SLC44A2: variants seen among roughly 807,000 people sequenced by gnomAD.
SLC44A2 encodes solute carrier family 44 member 2 (CTL2 blood group).
SLC44A2 carries 57 observed loss-of-function variants against 90.8 expected under a neutral mutation model. The ratio of observed to expected loss-of-function variants is 0.63; its 90% confidence interval spans 0.51 to 0.78. The LOEUF (loss-of-function observed/expected upper bound fraction) is 0.78. SLC44A2 is among the 30% of genes least tolerant of loss of function. SLC44A2 has a pLI of 0.00. For synonymous variants in SLC44A2, 355 were observed against 360.7 expected, an observed-to-expected ratio of 0.98 and a Z score of 0.18; for missense variants, 794 against 919.7, an observed-to-expected ratio of 0.86 and a Z score of 1.77.
In SLC44A2 at chr19:10,627,736, T is replaced by G. The variant is rs754372516; in HGVS notation, c.101T>G (p.Ile34Ser). Reference sequence around the variant, plus strand: ...CTGCTCCCCAGGGGCTGCACGGATATCATATGCTGTGTGTTCCTGCTCCTG... The same window carrying G: ...CTGCTCCCCAGGGGCTGCACGGATAGCATATGCTGTGTGTTCCTGCTCCTG... Reference protein sequence around the residue: ...GPIYNRGCTDIICCVFLLLAI... With the variant: ...GPIYNRGCTDSICCVFLLLAI... The change falls in exon 3 of 22, where the codon ATC becomes AGC. Residue 34 changes from isoleucine (I) to serine (S), a missense_variant. Physicochemically the swap from Ile to Ser is moderately radical, Grantham distance 142. This residue lies in a region of SLC44A2 where 738 missense variants were observed against 841.1 expected (regional missense o/e 0.88). Coordinates refer to ENST00000335757, the MANE Select transcript of SLC44A2 (RefSeq NM_020428.4). 2 of 1,613,452 alleles carry G rather than the reference T, an allele frequency of 1.2e-6. No individual in the cohort carries two copies. The highest frequency in any genetic ancestry group is 1.7e-6 in the Non-Finnish European group (2 of 1,179,966).
intron 14 of SLC44A2, chr19:10,636,005 C>G (rs527628573): frequency 3.5e-5 from 12 of 341,478 alleles, no homozygotes; most frequent in Middle Eastern, 8.7e-4. Flanking sequence ...TCTCGATCTC[C>G]TGACCTCGTG....
chr19:10,617,719 G>A (rs2066866671), intron 1 of SLC44A2, among the ~76,000 whole-genome samples: 1 of 152,192 alleles, frequency 6.6e-6, no homozygotes, highest in African/African-American at 2.4e-5. Context: ...TCCCTTTTCT[G>A]AGCCTCGGTT....
chr19:10,619,361 G>A (rs1243561858), intron 1 of SLC44A2, among the ~76,000 whole-genome samples: 1 of 150,078 alleles, frequency 6.7e-6, no homozygotes, highest in Non-Finnish European at 1.5e-5. Flanking sequence ...TCAGGGGGTA[G>A]AGGTTGCAGT....
At chr19:10,634,622 C>A in intron 10 of SLC44A2, 134 bp from the exon 11 acceptor site, 2 of 1,220,348 alleles carry the variant, frequency 1.6e-6, no homozygotes, top group Non-Finnish European at 1.2e-6. Flanking sequence ...ATGCACCGGG[C>A]GGTGGGAACT....
At chr19:10,619,414 C>G (rs1404668160) in intron 1 of SLC44A2, among the ~76,000 whole-genome samples, 1 of 147,132 alleles carries the variant, frequency 6.8e-6, no homozygotes, top group Non-Finnish European at 1.5e-5. Context: ...GGCAATACAG[C>G]CAGACCATGT....
intron 1 of SLC44A2, among the ~76,000 whole-genome samples, chr19:10,617,440 A>G (rs1009433258): frequency 6.6e-6 from 1 of 152,136 alleles, no homozygotes; most frequent in Non-Finnish European, 1.5e-5. Context: ...CCTTGAGCCA[A>G]GTGTATGCCA....
At chr19:10,640,526 A>G (rs1042347664) in intron 20 of SLC44A2, among the ~76,000 whole-genome samples, 1 of 152,082 alleles carries the variant, frequency 6.6e-6, no homozygotes, top group Non-Finnish European at 1.5e-5. Flanking sequence ...CTCTGGACTC[A>G]AGGGATCCTC....
chr19:10,609,205 C>T (rs1050114085), intron 1 of SLC44A2, among the ~76,000 whole-genome samples: 1 of 152,074 alleles, frequency 6.6e-6, no homozygotes. Flanking sequence ...ATCTGCCCAC[C>T]TTGGCCTCCC....
At chr19:10,608,981 G>A (rs1241170241) in intron 1 of SLC44A2, among the ~76,000 whole-genome samples, 11 of 117,576 alleles carry the variant, frequency 9.4e-5, no homozygotes, top group Non-Finnish European at 3.5e-5. Flanking sequence ...TTTTTGAGAT[G>A]GAGTCTTGCT....
At chr19:10,634,137 A>ATTTTTTTTTT (rs1177075276) in intron 10 of SLC44A2, among the ~76,000 whole-genome samples, 332 of 80,334 alleles carry the variant, frequency 4.1e-3, no homozygotes, top group South Asian at 8.4e-3. Context: ...CGCCCAGCTA[A>ATTTTTTTTTT]TTTTTTTTTT....
chr19:10,611,675 A>C (rs2144810827), intron 1 of SLC44A2, among the ~76,000 whole-genome samples: 1 of 151,920 alleles, frequency 6.6e-6, no homozygotes, highest in African/African-American at 2.4e-5. Flanking sequence ...CAAAAAAATT[A>C]GCTGGTCATG....
At chr19:10,608,097 C>T (rs563974404) in intron 1 of SLC44A2, among the ~76,000 whole-genome samples, 7 of 151,880 alleles carry the variant, frequency 4.6e-5, no homozygotes, top group African/African-American at 1.2e-4. Context: ...GTGGCATGCA[C>T]CTGTAGTCTC....
rs1025927283 is a variant in SLC44A2 at position 10,625,627 on chromosome 19, T to C, written c.-7T>C. The C allele has an allele frequency of 8.8e-6, 11 of 1,246,880 alleles. No homozygotes were observed. The African/African-American group carries it at 1.7e-4, about 19-fold the overall frequency. The allele number at this position is 1,246,880 out of a possible 1,614,324, so 77.2% of individuals were successfully genotyped here. A position where few individuals can be genotyped will look rare whatever the true frequency, so the allele number is the denominator to read the frequency against. On this transcript the variant is annotated 5_prime_UTR_variant, in exon 1 of 22. Transcript: ENST00000335757. ...CGGGCGGCCGCCGGGGCTGGTCGCC[T>C]GCAGGGATGGGGGACGAGCGGCCCC... is the stretch of plus-strand genomic sequence containing the variant.
Position 10,634,887 on chromosome 19 carries a change from A to G in SLC44A2, c.955A>G (p.Met319Val). 3 of 1,614,114 alleles carry G rather than the reference A, an allele frequency of 1.9e-6. No individual in the cohort carries two copies. Among genetic ancestry groups the G allele is most frequent in the Non-Finnish European group, 2.5e-6 (3 of 1,180,010 alleles). The change falls in exon 11 of 22, where the codon ATG becomes GTG. Residue 319 changes from methionine (M) to valine (V), a missense_variant and splice_region_variant. Around this residue, in one of 3 missense-constraint regions of SLC44A2, gnomAD observed 738 missense variants for 841.1 expected, o/e 0.88. Coordinates refer to ENST00000335757, the MANE Select transcript of SLC44A2 (RefSeq NM_020428.4). The stretch of plus-strand genomic sequence containing the variant: ...CTTACGGCAGACCTGGTTGGCCTTT[A>G]GTGAGTCACAGTCTCCCATTCCTGC... The part of the protein sequence containing the change: ...LHLRQTWLAF[M>V]IILSILEVII...
chr19:10,636,763 C>G lies in SLC44A2; in HGVS notation c.1591+7C>G. Reference sequence around the variant, plus strand: ...CTGGATCAGCGGCTGAAAGGTACGTCCCACCCACGGTTCGCATTAGCTCCT... The same window carrying G: ...CTGGATCAGCGGCTGAAAGGTACGTGCCACCCACGGTTCGCATTAGCTCCT... On this transcript the variant is annotated splice_region_variant and intron_variant, in intron 16 of 21. Transcript: ENST00000335757. The G allele has an allele frequency of 1.2e-6, 2 of 1,612,218 alleles. No homozygotes were observed. Among genetic ancestry groups the G allele is most frequent in the South Asian group, 1.1e-5 (1 of 90,772 alleles).
At chr19:10,631,990 C>G (rs767290146) in intron 9 of SLC44A2, 39 bp downstream of exon 9, 67 of 1,613,102 alleles carry the variant, frequency 4.2e-5, no homozygotes, top group Non-Finnish European at 5.0e-5. Context: ...CTGGCTGCCC[C>G]CTCTAAGCCT....
chr19:10,607,209 G>A (rs1054379164), intron 1 of SLC44A2, among the ~76,000 whole-genome samples: 1 of 151,720 alleles, frequency 6.6e-6, no homozygotes, highest in Non-Finnish European at 1.5e-5. Flanking sequence ...CACCTCGCCC[G>A]GCCTCTTGGG....
chr19:10,625,024 C>G (rs1360643739), upstream of SLC44A2, among the ~76,000 whole-genome samples: 1 of 152,020 alleles, frequency 6.6e-6, no homozygotes, highest in Non-Finnish European at 1.5e-5. Context: ...GTCCCAGCTA[C>G]TCAGGAGGCT....
chr19:10,631,300 G>A lies in SLC44A2; in HGVS notation c.356G>A (p.Arg119His), dbSNP rs776843143. ...ATCTGCGTGGAAAAATGCCCCGACC[G>A]CTACCTCACGTACCTGAATGCTCGC... The part of the protein sequence containing the change: ...PQICVEKCPD[R>H]YLTYLNARSS... Residue 119 changes from arginine (R) to histidine (H), a missense_variant, in exon 6 of 22, where the codon CGC (arginine) becomes CAC (histidine). Physicochemically the swap from Arg to His is conservative, Grantham distance 29. Around this residue, in one of 3 missense-constraint regions of SLC44A2, gnomAD observed 738 missense variants for 841.1 expected, o/e 0.88. Transcript: ENST00000335757. The A allele has an allele frequency of 8.7e-6, 14 of 1,613,902 alleles. No homozygotes were observed. The highest frequency in any genetic ancestry group is 4.5e-5 in the East Asian group (2 of 44,894).
Sources: allele counts gnomAD v4.1 joint callset (sites outside exome capture counted in the v4.1 genomes callset), GRCh38; gene constraint gnomAD v4.1.1; regional missense constraint gnomAD v4.1.1; transcripts MANE v1.5; gene names NCBI Gene and HGNC (gene_info 2026-07-23, HGNC 2026-07-21).